Variants in DPP6 observed in about 807,000 individuals in gnomAD.
The protein encoded by DPP6 is dipeptidyl peptidase like 6.
Under a neutral mutation model 122.6 loss-of-function variants are expected in DPP6, and 69 were observed. That is an observed-to-expected ratio of 0.56 (90% CI 0.46 to 0.69). DPP6 has a LOEUF of 0.69. Ranked by LOEUF, DPP6 falls within the 30% of genes least tolerant of loss-of-function variation. DPP6 has a pLI of 0.00. For missense variants in DPP6, 928 were observed against 1,116.9 expected (o/e 0.83, Z 2.41); for synonymous variants, 418 against 433.1 (o/e 0.97, Z 0.43).
chr7:154,767,674 A>G (rs567698822), intron 8 of DPP6, among the ~76,000 whole-genome samples: 2 of 152,194 alleles, frequency 1.3e-5, no homozygotes, highest in South Asian at 4.2e-4. Flanking sequence ...TTGTGCCCCT[A>G]GCTTTGCAGA....
intron 3 of DPP6, among the ~76,000 whole-genome samples, chr7:154,478,149 C>A (rs1358634349): frequency 6.6e-6 from 1 of 151,994 alleles, no homozygotes; most frequent in African/African-American, 2.4e-5. Flanking sequence ...AGAGTTCACC[C>A]ATTTTTTTTT....
intron 8 of DPP6, among the ~76,000 whole-genome samples, chr7:154,741,899 C>T (rs1217218051): frequency 6.6e-6 from 1 of 152,232 alleles, no homozygotes; most frequent in East Asian, 1.9e-4. Context: ...TCTGTGTCTC[C>T]AGAAACATGG....
intron 3 of DPP6, among the ~76,000 whole-genome samples, chr7:154,479,622 A>T (rs1320909039): frequency 6.6e-6 from 1 of 151,552 alleles, no homozygotes. Context: ...CCTCTCAAAG[A>T]GGTGCACACT....
intron 3 of DPP6, among the ~76,000 whole-genome samples, chr7:154,535,745 A>G (rs993724946): frequency 6.6e-6 from 1 of 152,184 alleles, no homozygotes; most frequent in Non-Finnish European, 1.5e-5. Flanking sequence ...AAAACCTGCA[A>G]ATCACCCATA....
intron 4 of DPP6, among the ~76,000 whole-genome samples, chr7:154,565,805 G>A (rs146278970): frequency 5.3e-5 from 8 of 152,242 alleles, no homozygotes; most frequent in East Asian, 1.9e-4. Context: ...GATTACAGGC[G>A]TGAGCCACTG....
intron 16 of DPP6, among the ~76,000 whole-genome samples, chr7:154,832,046 T>G (rs939078658): frequency 2.0e-5 from 3 of 152,146 alleles, no homozygotes; most frequent in Non-Finnish European, 4.4e-5. Context: ...CCCTGCCAGG[T>G]TGATTTCTTT....
At chr7:153,791,582 C>T in the DPP6 span, among the ~76,000 whole-genome samples, 1 of 151,990 alleles carries the variant, frequency 6.6e-6, no homozygotes. Context: ...CCACCACATC[C>T]AGCTAATTTT....
intron 1 of DPP6, among the ~76,000 whole-genome samples, chr7:154,429,595 C>T (rs1386126041): frequency 2.0e-5 from 3 of 152,216 alleles, no homozygotes; most frequent in Admixed American, 6.5e-5. Flanking sequence ...GGCAGGCTTA[C>T]AGCTGTGTGA....
the DPP6 span, among the ~76,000 whole-genome samples, chr7:153,873,336 G>A: frequency 6.6e-6 from 1 of 152,132 alleles, no homozygotes; most frequent in Admixed American, 6.5e-5. Flanking sequence ...ATTTGGAGGG[G>A]CCAAAACAAA....
chr7:153,918,572 C>CACACACACAG (rs1563006204), intron 1 of DPP6, among the ~76,000 whole-genome samples: 1 of 41,136 alleles, frequency 2.4e-5, no homozygotes, highest in Non-Finnish European at 4.5e-5. Flanking sequence ...CACAGTCTCT[C>CACACACACAG]TCTCTCTCTC....
At chr7:154,408,545 CTT>C (rs1287617732) in intron 1 of DPP6, among the ~76,000 whole-genome samples, 1 of 152,142 alleles carries the variant, frequency 6.6e-6, no homozygotes, top group Non-Finnish European at 1.5e-5. Context: ...CAATTTATCT[CTT>C]GTTATTAACA....
rs1369939502 is a variant in DPP6 at position 154,463,204 on chromosome 7, T to TC, written c.359-11735_359-11734insC. Among the ~76,000 whole-genome samples, 263 of 89,304 alleles carry TC rather than the reference T, an allele frequency of 2.9e-3. 1 individual carries two copies. The highest frequency in any genetic ancestry group is 9.5e-3 in the Admixed American group (66 of 6,952). 58.6% of individuals were successfully genotyped at this position (89,304 alleles called of 152,430 possible). ...CTTTACTTCTCCTTTTCTTTTTTTTTTTTTTTTTTTTTTTTTTTTTTGAGA... is the reference window on the plus strand; with the variant it reads ...CTTTACTTCTCCTTTTCTTTTTTTTTCTTTTTTTTTTTTTTTTTTTTTGAGA... On this transcript the variant is annotated intron_variant, in intron 2 of 25. Transcript: ENST00000377770.
intron 1 of DPP6, among the ~76,000 whole-genome samples, chr7:153,914,167 G>C (rs1353698481): frequency 6.6e-6 from 1 of 152,102 alleles, no homozygotes; most frequent in Non-Finnish European, 1.5e-5. Context: ...GTCCCACAAG[G>C]TCTGATGATT....
chr7:154,882,627 G>A (rs962214220), intron 21 of DPP6, among the ~76,000 whole-genome samples: 23 of 152,196 alleles, frequency 1.5e-4, no homozygotes, highest in Non-Finnish European at 2.2e-4. Context: ...GACCTGGAGA[G>A]CAAGGGGGCA....
intron 1 of DPP6, among the ~76,000 whole-genome samples, chr7:154,366,498 C>G (rs1812202944): frequency 6.6e-6 from 1 of 152,170 alleles, no homozygotes. Context: ...CGGGAACGTT[C>G]ATGGAAAGAA....
At chr7:154,620,779 AC>A in intron 5 of DPP6, among the ~76,000 whole-genome samples, 1 of 152,234 alleles carries the variant, frequency 6.6e-6, no homozygotes, top group Non-Finnish European at 1.5e-5. Context: ...GTTTTTACAT[AC>A]AGGATTGAAA....
rs558563702 is a variant in DPP6 at position 154,839,594 on chromosome 7, A to G, written c.1667-14186A>G. 3.3e-5 allele frequency among the ~76,000 whole-genome samples: 5 copies of G among 152,300 alleles called. No individual in the cohort carries two copies. The East Asian group carries it at 9.6e-4, about 29-fold the overall frequency. Reference sequence around the variant, plus strand: ...CATGATCAGCGGGGCGGGATTGTTAACCGTTGTTGTTGCCATTACTGTTAT... The same window carrying G: ...CATGATCAGCGGGGCGGGATTGTTAGCCGTTGTTGTTGCCATTACTGTTAT... On this transcript the variant is annotated intron_variant, in intron 16 of 25. Coordinates refer to ENST00000377770, the MANE Select transcript of DPP6 (RefSeq NM_130797.4).
intron 1 of DPP6, among the ~76,000 whole-genome samples, chr7:154,323,372 A>T (rs1440341093): frequency 6.6e-6 from 1 of 152,032 alleles, no homozygotes; most frequent in Non-Finnish European, 1.5e-5. Context: ...GCTGTAAGAA[A>T]TGAGGGCTGC....
the DPP6 span, among the ~76,000 whole-genome samples, chr7:153,780,801 T>G: frequency 6.6e-6 from 1 of 152,294 alleles, no homozygotes; most frequent in South Asian, 2.1e-4. Flanking sequence ...TTTTTTATCC[T>G]GATTAATTCT....
Sources: gnomAD v4.1 joint callset for allele counts (sites outside exome capture counted in the v4.1 genomes callset) on GRCh38, gnomAD v4.1.1 for gene constraint, MANE v1.5 for transcripts, NCBI Gene and HGNC (gene_info 2026-07-23, HGNC 2026-07-21) for gene names.